LHPP: variants seen among roughly 807,000 people sequenced by gnomAD.
LHPP encodes phospholysine phosphohistidine inorganic pyrophosphate phosphatase.
A neutral mutation model predicts 30.3 loss-of-function variants in LHPP; 24 were observed. The ratio of observed to expected loss-of-function variants is 0.79; its 90% CI spans 0.57 to 1.11. The LOEUF is 1.11. Among genes scored for constraint, LHPP ranks in the 50% most tolerant of loss-of-function variants. LHPP has a pLI of 0.00. For synonymous variants in LHPP, 150 were observed against 157.1 expected, an observed-to-expected ratio of 0.95 and a Z score of 0.34; for missense variants, 356 against 367.2, an observed-to-expected ratio of 0.97 and a Z score of 0.25.
chr10:124,535,594 A>C (rs1955003416), intron 6 of LHPP, among the ~76,000 whole-genome samples: 1 of 149,140 alleles, frequency 6.7e-6, no homozygotes, highest in Admixed American at 6.7e-5. Context: ...TTTTGTAGAG[A>C]CAAAGCTGTT....
chr10:124,469,573 A>T (rs1564765709), intron 1 of LHPP, among the ~76,000 whole-genome samples: 1 of 152,124 alleles, frequency 6.6e-6, no homozygotes, highest in Admixed American at 6.6e-5. Flanking sequence ...AACTGGCAGA[A>T]GTAGAAAATG....
chr10:124,596,604 CTT>C lies in LHPP; in HGVS notation c.717-16657_717-16656del, dbSNP rs1589705175. On this transcript the variant is annotated intron_variant, in intron 6 of 6. Transcript: ENST00000368842. This position sits in a 1 kb window ranked among gnomAD's most constrained non-coding sequence, Gnocchi z 4.6. ...GCTGCATCTCTAGGTTGGGGCCACT[CTT>C]TTCTTGGAACAAGAGCCCTAAACGT... is the stretch of plus-strand genomic sequence containing the variant. Among the ~76,000 whole-genome samples, 1 of 152,152 alleles carries C rather than the reference CTT, an allele frequency of 6.6e-6. No individual in the cohort carries two copies. Among genetic ancestry groups the C allele is most frequent in the Non-Finnish European group, 1.5e-5 (1 of 68,034 alleles).
At chr10:124,569,531 G>A (rs1401216917) in intron 6 of LHPP, among the ~76,000 whole-genome samples, 15 of 152,308 alleles carry the variant, frequency 9.8e-5, no homozygotes, top group African/African-American at 3.1e-4. Context: ...AAACGGGAAC[G>A]TGGCGGGCAG....
At chr10:124,470,827 A>G (rs1952709787) in intron 1 of LHPP, among the ~76,000 whole-genome samples, 1 of 152,096 alleles carries the variant, frequency 6.6e-6, no homozygotes, top group African/African-American at 2.4e-5. Flanking sequence ...GTTTAAGCCA[A>G]CAGGAGTTTT....
chr10:124,471,194 G>A (rs889235275), intron 1 of LHPP, among the ~76,000 whole-genome samples: 3 of 150,938 alleles, frequency 2.0e-5, no homozygotes, highest in Admixed American at 6.7e-5. Context: ...CCTGACTCTT[G>A]TCCAGTTCTG....
chr10:124,500,604 A>G (rs556045686), intron 5 of LHPP, among the ~76,000 whole-genome samples: 1 of 152,096 alleles, frequency 6.6e-6, no homozygotes, highest in African/African-American at 2.4e-5. Flanking sequence ...ATGTAAATAC[A>G]ATACATTAAA....
At chr10:124,492,162 G>A (rs1359271155) in intron 3 of LHPP, among the ~76,000 whole-genome samples, 1 of 152,156 alleles carries the variant, frequency 6.6e-6, no homozygotes. Context: ...AGAGTTAGTT[G>A]TCATTGATCG....
chr10:124,575,002 T>C (rs1397455825), intron 6 of LHPP, among the ~76,000 whole-genome samples: 1 of 152,176 alleles, frequency 6.6e-6, no homozygotes, highest in Non-Finnish European at 1.5e-5. Flanking sequence ...TCAGTAGCCA[T>C]GCAACCTCCC....
intron 6 of LHPP, among the ~76,000 whole-genome samples, chr10:124,568,858 A>G (rs1462880119): frequency 6.6e-6 from 1 of 152,126 alleles, no homozygotes; most frequent in Admixed American, 6.5e-5. Context: ...TCTGTGTGCT[A>G]TAGAAGTGAG....
In LHPP at chr10:124,592,804, G is replaced by A. The variant is rs954853043; in HGVS notation, c.717-20460G>A. Among the ~76,000 whole-genome samples the A allele has an allele frequency of 6.6e-6, 1 of 152,228 alleles. No individual in the cohort carries two copies. The highest frequency in any genetic ancestry group is 1.5e-5 in the Non-Finnish European group (1 of 68,038). On this transcript the variant is annotated intron_variant, in intron 6 of 6. Coordinates refer to ENST00000368842, the MANE Select transcript of LHPP (RefSeq NM_022126.4). The surrounding 1 kb of genome is among the most constrained non-coding windows in gnomAD (Gnocchi z 6.2). ...TCTCCCTGGCCTGGAGATGAAAACTGAAGAAAACAAGATTCCGTCTAGGAA... is the reference window on the plus strand; with the variant it reads ...TCTCCCTGGCCTGGAGATGAAAACTAAAGAAAACAAGATTCCGTCTAGGAA...
chr10:124,585,845 C>T (rs1392315886), intron 6 of LHPP, among the ~76,000 whole-genome samples: 2 of 151,976 alleles, frequency 1.3e-5, no homozygotes, highest in African/African-American at 4.8e-5. Context: ...AGTGCAGTGG[C>T]ACAATCTTGG....
chr10:124,595,739 C>T (rs528017888), intron 6 of LHPP, among the ~76,000 whole-genome samples: 1 of 152,304 alleles, frequency 6.6e-6, no homozygotes, highest in South Asian at 2.1e-4. Context: ...CTGCATCTGT[C>T]CCAGTACAAA....
intron 6 of LHPP, among the ~76,000 whole-genome samples, chr10:124,585,295 A>G (rs1040641342): frequency 2.0e-5 from 3 of 152,086 alleles, no homozygotes; most frequent in African/African-American, 7.2e-5. Context: ...TTCCTGTTAG[A>G]TTTTTTCTTT....
intron 6 of LHPP, among the ~76,000 whole-genome samples, chr10:124,611,527 C>T (rs1949197923): frequency 6.7e-6 from 1 of 149,890 alleles, no homozygotes; most frequent in Non-Finnish European, 1.5e-5. Flanking sequence ...GCTTAGGGGA[C>T]AAGGGGTTCT....
intron 5 of LHPP, among the ~76,000 whole-genome samples, chr10:124,506,860 T>G (rs74849120): frequency 0.42 from 2,222 of 5,324 alleles, 882 homozygotes; most frequent in Middle Eastern, 1. Flanking sequence ...AGGGAGGATT[T>G]CAGGTGGAGA....
At chr10:124,497,525 C>T (rs1005821325) in intron 4 of LHPP, among the ~76,000 whole-genome samples, 1 of 152,240 alleles carries the variant, frequency 6.6e-6, no homozygotes, top group African/African-American at 2.4e-5. Flanking sequence ...GTGGGGCTCC[C>T]CTGGGTCCAC....
intron 6 of LHPP, among the ~76,000 whole-genome samples, chr10:124,611,600 G>GCCCT (rs1949199588): frequency 6.6e-6 from 1 of 151,874 alleles, no homozygotes; most frequent in Non-Finnish European, 1.5e-5. Flanking sequence ...AGCCCACACT[G>GCCCT]CCCTCCCCTC....
rs146484612 is a variant in LHPP, at chr10:124,484,642, G to A, written c.313+316G>A. On this transcript the variant is annotated intron_variant, in intron 2 of 6. Coordinates refer to ENST00000368842, the MANE Select transcript of LHPP (RefSeq NM_022126.4). The stretch of plus-strand genomic sequence containing the variant: ...GCGGCCAGGGAATTGTCAAGGTGGC[G>A]GAGTTCTAGCTCCTGTTGAGAAAGA... Among the ~76,000 whole-genome samples, 10 of 148,914 alleles carry A rather than the reference G, an allele frequency of 6.7e-5. No homozygotes were observed. In the East Asian group the frequency reaches 9.9e-4, roughly 15 times the overall value.
At chr10:124,470,629 C>G (rs771391051) in intron 1 of LHPP, among the ~76,000 whole-genome samples, 2 of 145,920 alleles carry the variant, frequency 1.4e-5, no homozygotes, top group Non-Finnish European at 3.0e-5. Flanking sequence ...ACACAGGTCC[C>G]TGGGAGTAGC....
Sources: gnomAD v4.1 joint callset for allele counts (sites outside exome capture counted in the v4.1 genomes callset) on GRCh38, gnomAD v4.1.1 for gene constraint, Gnocchi (gnomAD v3.1) non-coding constraint, MANE v1.5 for transcripts, NCBI Gene and HGNC (gene_info 2026-07-23, HGNC 2026-07-21) for gene names.